Variants in CHM observed in about 807,000 individuals in gnomAD.
CHM encodes rab proteins geranylgeranyltransferase component A 1.
In CHM, 10 loss-of-function variants were observed where a neutral mutation model predicts 49.0. The observed-to-expected ratio is 0.20, with a 90% CI of 0.13 to 0.35. CHM has a LOEUF of 0.35. CHM is among the 10% of genes least tolerant of loss of function. The pLI is 1.00. For missense variants in CHM, 455 were observed against 478.4 expected, an observed-to-expected ratio of 0.95 and a Z score of 0.46; for synonymous variants, 184 against 167.5, an observed-to-expected ratio of 1.10 and a Z score of -0.76.
intron 13 of CHM, among the ~76,000 whole-genome samples, chrX:85,878,532 A>G (rs1384752629): frequency 1.8e-5 from 2 of 111,438 alleles, no homozygotes; most frequent in Admixed American, 1.9e-4. Context: ...CTGCCAATTA[A>G]TATTTTAATC....
chrX:85,870,138 C>T (rs1044941935), intron 14 of CHM, among the ~76,000 whole-genome samples: 3 of 111,392 alleles, frequency 2.7e-5, no homozygotes, highest in Admixed American at 9.5e-5. Context: ...TATTCAGCCC[C>T]TTCAGGACTT....
chrX:86,021,420 G>A (rs1933600471), intron 2 of CHM, among the ~76,000 whole-genome samples: 1 of 108,589 alleles, frequency 9.2e-6, no homozygotes, highest in Non-Finnish European at 1.9e-5. Flanking sequence ...CCAATATTAT[G>A]TCATTTTTAT....
intron 1 of CHM, among the ~76,000 whole-genome samples, chrX:86,037,023 T>C (rs758197841): frequency 9.0e-6 from 1 of 110,802 alleles, no homozygotes; most frequent in East Asian, 2.8e-4. Flanking sequence ...CAACTCAAAA[T>C]CTCTTGAAGT....
intron 1 of CHM, among the ~76,000 whole-genome samples, chrX:86,029,660 T>G (rs1441571947): frequency 2.7e-5 from 3 of 111,447 alleles, no homozygotes. Flanking sequence ...CAATTCAAAT[T>G]ACCATGATAA....
intron 2 of CHM, among the ~76,000 whole-genome samples, chrX:85,985,362 G>A (rs1444111870): frequency 1.8e-5 from 2 of 112,065 alleles, no homozygotes; most frequent in Non-Finnish European, 3.8e-5. Context: ...GTCCCAACTG[G>A]GACCAGCAGC....
At chrX:86,037,772 A>AT (rs1367471497) in intron 1 of CHM, among the ~76,000 whole-genome samples, 5 of 111,042 alleles carry the variant, frequency 4.5e-5, no homozygotes, top group South Asian at 7.6e-4. Context: ...TTTATAAACT[A>AT]TTTTTTTTAA....
chrX:85,904,230 C>T (rs1490798885), intron 9 of CHM, among the ~76,000 whole-genome samples: 2 of 111,128 alleles, frequency 1.8e-5, no homozygotes, highest in Non-Finnish European at 3.8e-5. Context: ...GAGGGCCTTG[C>T]TGAGCCTCAT....
At chrX:85,977,827 A>G (rs1291015432) in intron 4 of CHM, among the ~76,000 whole-genome samples, 1 of 109,427 alleles carries the variant, frequency 9.1e-6, no homozygotes, top group Non-Finnish European at 1.9e-5. Context: ...AAAATCACAG[A>G]ACACAAACAG....
chrX:86,013,053 T>A (rs756951900), intron 2 of CHM, among the ~76,000 whole-genome samples: 16 of 111,568 alleles, frequency 1.4e-4, no homozygotes, highest in African/African-American at 4.6e-4. Flanking sequence ...TTAGCCTTTC[T>A]TTGCATACTC....
chrX:85,928,182 T>C (rs1346199936), intron 8 of CHM, among the ~76,000 whole-genome samples: 1 of 112,364 alleles, frequency 8.9e-6, no homozygotes, highest in East Asian at 2.8e-4. Flanking sequence ...AGTGTCTCTT[T>C]ATTCAGTATC....
At chrX:85,886,278 G>T (rs2148134090) in intron 12 of CHM, among the ~76,000 whole-genome samples, 1 of 111,981 alleles carries the variant, frequency 8.9e-6, no homozygotes, top group African/African-American at 3.2e-5. Flanking sequence ...AGTTTTTGGT[G>T]CTTGACCAGG....
In CHM at chrX:86,021,115, T is replaced by C. The variant is rs147984782; in HGVS notation, c.116+6376A>G. ...ATACACATATATATACGTATATATA[T>C]GTGTATATACGTATATATATATATA... On this transcript the variant is annotated intron_variant, in intron 2 of 14. Transcript: ENST00000357749. 7.3e-3 allele frequency among the ~76,000 whole-genome samples: 471 copies of C among 64,602 alleles called. 13 individuals carry two copies. Among genetic ancestry groups the C allele is most frequent in the Admixed American group, 0.053 (293 of 5,490 alleles). 56.1% of individuals were successfully genotyped at this position (64,602 alleles called of 115,157 possible).
intron 2 of CHM, among the ~76,000 whole-genome samples, chrX:85,988,049 A>T (rs1399157930): frequency 8.9e-6 from 1 of 112,068 alleles, no homozygotes; most frequent in African/African-American, 3.2e-5. Flanking sequence ...CAGGGATATA[A>T]CAGAAAAAGA....
chrX:86,008,589 T>TCG (rs924435185), intron 2 of CHM, among the ~76,000 whole-genome samples: 17 of 112,018 alleles, frequency 1.5e-4, no homozygotes, highest in Admixed American at 5.7e-4. Context: ...GATCCTTACT[T>TCG]CGCTGTCTTC....
At chrX:85,875,173 C>T (rs754523096) in intron 13 of CHM, among the ~76,000 whole-genome samples, 4 of 111,869 alleles carry the variant, frequency 3.6e-5, no homozygotes, top group African/African-American at 1.3e-4. Flanking sequence ...GATACTAGGG[C>T]ATTATCAGGC....
intron 8 of CHM, among the ~76,000 whole-genome samples, chrX:85,920,577 A>G (rs1230422181): frequency 8.9e-6 from 1 of 112,446 alleles, no homozygotes; most frequent in Non-Finnish European, 1.9e-5. Context: ...CCATACAAAT[A>G]ATAATCACAA....
At chrX:85,978,607 A>G in intron 4 of CHM, 160 bp downstream of exon 4, 1 of 429,174 alleles carries the variant, frequency 2.3e-6, no homozygotes, top group Non-Finnish European at 3.9e-6. Flanking sequence ...ATTATTACCT[A>G]AACAGAGACA....
At chrX:86,008,407 TA>T (rs764424262) in intron 2 of CHM, among the ~76,000 whole-genome samples, 1 of 110,713 alleles carries the variant, frequency 9.0e-6, no homozygotes, top group Non-Finnish European at 1.9e-5. Context: ...TAAAGTATAA[TA>T]AAAAAAACTG....
chrX:85,927,099 G>A (rs1218591968), intron 8 of CHM, among the ~76,000 whole-genome samples: 2 of 111,479 alleles, frequency 1.8e-5, no homozygotes, highest in Non-Finnish European at 3.8e-5. Context: ...TTGTAAGCAT[G>A]GTTTTCTTTT....
Sources: gnomAD v4.1 joint callset for allele counts (sites outside exome capture counted in the v4.1 genomes callset) on GRCh38, gnomAD v4.1.1 for gene constraint, MANE v1.5 for transcripts, NCBI Gene and HGNC (gene_info 2026-07-23, HGNC 2026-07-21) for gene names.